The following FRMPD1 variants were observed in gnomAD, a reference collection of about 807,000 sequenced individuals.
FRMPD1 encodes FERM and PDZ domain containing 1.
FRMPD1 carries 76 observed loss-of-function variants against 117.8 expected under a neutral mutation model. The ratio of observed to expected loss-of-function variants is 0.65; its 90% CI spans 0.54 to 0.78. The LOEUF (loss-of-function observed/expected upper bound fraction) is 0.78, where lower values mean the gene tolerates loss of function less well. Ranked by LOEUF, FRMPD1 falls within the 30% of genes least tolerant of loss-of-function variation. The pLI, the probability that FRMPD1 is intolerant of heterozygous loss-of-function variation, is 0.00. For missense variants in FRMPD1, 1,786 were observed against 1,964.5 expected (o/e 0.91, Z 1.72); for synonymous variants, 783 against 770.4 (o/e 1.02, Z -0.27).
chr9:37,659,686 C>G (rs1820939012), intron 1 of FRMPD1, among the ~76,000 whole-genome samples: 1 of 151,858 alleles, frequency 6.6e-6, no homozygotes, highest in Non-Finnish European at 1.5e-5. Context: ...TTCTCAGTGC[C>G]CAAATACTCT....
Position 37,746,872 on chromosome 9 carries a change from T to A in FRMPD1, c.*103T>A, listed in dbSNP as rs1465298933. 2.7e-6 allele frequency: 2 copies of A among 742,612 alleles called. No individual in the cohort carries two copies. The highest frequency in any genetic ancestry group is 2.7e-5 in the Admixed American group (1 of 37,438). The allele number at this position is 742,612 out of a possible 1,614,324, so 46.0% of individuals were successfully genotyped here. On this transcript the variant is annotated 3_prime_UTR_variant, in exon 16 of 16. Transcript: ENST00000377765. ...CCACCCTCTTCAAATGTTTACTATA[T>A]AGAGTATTCAAATAAACTGCTGCTT...
chr9:37,628,664 C>T, the FRMPD1 span, among the ~76,000 whole-genome samples: 11 of 152,176 alleles, frequency 7.2e-5, no homozygotes, highest in Non-Finnish European at 1.3e-4. Flanking sequence ...CTCTGGCTGG[C>T]GGCTAAGGGA....
chr9:37,738,755 T>G (rs1563960398), intron 14 of FRMPD1, among the ~76,000 whole-genome samples: 1 of 152,102 alleles, frequency 6.6e-6, no homozygotes, highest in Non-Finnish European at 1.5e-5. Context: ...TGGGGGGGAC[T>G]GCTGCTGCCT....
At chr9:37,696,384 G>A (rs1822325110) in intron 2 of FRMPD1, among the ~76,000 whole-genome samples, 1 of 151,970 alleles carries the variant, frequency 6.6e-6, no homozygotes, top group Non-Finnish European at 1.5e-5. Context: ...TCTCATATAT[G>A]AGACCAGGGA....
At chr9:37,605,735 G>A in the FRMPD1 span, among the ~76,000 whole-genome samples, 1 of 148,476 alleles carries the variant, frequency 6.7e-6, no homozygotes, top group African/African-American at 2.5e-5. Context: ...TACTGACTGA[G>A]ACAAGGTCTC....
chr9:37,610,587 A>G, the FRMPD1 span, among the ~76,000 whole-genome samples: 1 of 144,484 alleles, frequency 6.9e-6, no homozygotes, highest in South Asian at 2.3e-4. Flanking sequence ...ATGAATAACT[A>G]TCACATTCTT....
chr9:37,725,177 A>G (rs536221181), intron 7 of FRMPD1, among the ~76,000 whole-genome samples: 48 of 152,360 alleles, frequency 3.2e-4, no homozygotes, highest in African/African-American at 1.1e-3. Context: ...AGGGCCTCAA[A>G]TGCCAGGCAA....
chr9:37,606,604 A>T, the FRMPD1 span, among the ~76,000 whole-genome samples: 1 of 152,232 alleles, frequency 6.6e-6, no homozygotes, highest in African/African-American at 2.4e-5. Context: ...ATATGCACAA[A>T]ACTCTTTTCT....
chr9:37,685,444 C>T (rs943176203), intron 1 of FRMPD1, among the ~76,000 whole-genome samples: 1 of 151,742 alleles, frequency 6.6e-6, no homozygotes, highest in Non-Finnish European at 1.5e-5. Flanking sequence ...GAGATCGAGA[C>T]TATCCTGGCT....
chr9:37,632,089 ATAATGGGAT>A, the FRMPD1 span, among the ~76,000 whole-genome samples: 2 of 152,244 alleles, frequency 1.3e-5, no homozygotes, highest in Non-Finnish European at 1.5e-5. Flanking sequence ...GGCATGTACA[ATAATGGGAT>A]TATTTAACAC....
At chr9:37,682,737 G>A (rs1189274863) in intron 1 of FRMPD1, among the ~76,000 whole-genome samples, 1 of 152,092 alleles carries the variant, frequency 6.6e-6, no homozygotes, top group African/African-American at 2.4e-5. Context: ...AATGCTTATA[G>A]GGTTTTACTA....
At chr9:37,697,877 G>A (rs1822381967) in intron 2 of FRMPD1, among the ~76,000 whole-genome samples, 1 of 152,218 alleles carries the variant, frequency 6.6e-6, no homozygotes, top group Non-Finnish European at 1.5e-5. Flanking sequence ...AGCACTTTGG[G>A]AAGCCAAGAT....
chr9:37,738,998 C>T (rs1824258724), intron 14 of FRMPD1, among the ~76,000 whole-genome samples: 1 of 151,910 alleles, frequency 6.6e-6, no homozygotes, highest in Non-Finnish European at 1.5e-5. Context: ...GACCATATTG[C>T]AAGAGGGGAA....
At chr9:37,708,760 C>G (rs950424646) in intron 4 of FRMPD1, among the ~76,000 whole-genome samples, 1 of 152,164 alleles carries the variant, frequency 6.6e-6, no homozygotes, top group African/African-American at 2.4e-5. Context: ...CTGCTATGCC[C>G]AAGACACCGT....
At position 37,745,537 on chromosome 9, in the gene FRMPD1, G is replaced by A. The variant is rs1468677888; in HGVS notation, c.3505G>A (p.Gly1169Arg). 1 of 1,613,980 alleles carries A rather than the reference G, an allele frequency of 6.2e-7. No homozygotes were observed. Among genetic ancestry groups the A allele is most frequent in the African/African-American group, 1.3e-5 (1 of 74,910 alleles). Residue 1169 changes from glycine (G) to arginine (R), a missense_variant, in exon 16 of 16, where the codon GGG becomes AGG. By Grantham distance (125) the Gly-to-Arg change is moderately radical. Transcript: ENST00000377765. ...CCTTTCTTTAGATGCTCCTGTAACAGGGACCGAGCAGATCCCACCACATCC... is the reference window on the plus strand; with the variant it reads ...CCTTTCTTTAGATGCTCCTGTAACAAGGACCGAGCAGATCCCACCACATCC... ...TSLSLDAPVT[G>R]TEQIPPHPPR...
Position 37,651,598 on chromosome 9 carries a change from A to G in FRMPD1, c.-5+504A>G, listed in dbSNP as rs369522881. 2.0e-5 allele frequency among the ~76,000 whole-genome samples: 3 copies of G among 152,344 alleles called. No individual in the cohort carries two copies. The East Asian group carries it at 5.8e-4, about 29-fold the overall frequency. ...CATTGCGTGTGGAGAGGAATGAGCC[A>G]CAGAAGTCAGTCTCCAGGGTCGCGT... On this transcript the variant is annotated intron_variant, in intron 1 of 15. Coordinates refer to ENST00000377765, the MANE Select transcript of FRMPD1 (RefSeq NM_014907.3).
the FRMPD1 span, among the ~76,000 whole-genome samples, chr9:37,635,552 A>T: frequency 1.3e-5 from 2 of 152,198 alleles, no homozygotes; most frequent in African/African-American, 2.4e-5. Flanking sequence ...GCCTGACATG[A>T]CACCAGAGGG....
chr9:37,635,554 A>C, the FRMPD1 span, among the ~76,000 whole-genome samples: 2 of 152,002 alleles, frequency 1.3e-5, no homozygotes, highest in Non-Finnish European at 2.9e-5. Context: ...CTGACATGAC[A>C]CCAGAGGGGA....
chr9:37,672,592 C>T (rs1821391273), intron 1 of FRMPD1, among the ~76,000 whole-genome samples: 1 of 152,196 alleles, frequency 6.6e-6, no homozygotes, highest in Non-Finnish European at 1.5e-5. Flanking sequence ...AAGCACAAAA[C>T]TGTGAAGTAA....
Sources: gnomAD v4.1 joint callset for allele counts (sites outside exome capture counted in the v4.1 genomes callset) on GRCh38, gnomAD v4.1.1 for gene constraint, MANE v1.5 for transcripts, NCBI Gene and HGNC (gene_info 2026-07-23, HGNC 2026-07-21) for gene names.